Variants in KCND2 observed in about 807,000 individuals in gnomAD.
KCND2 encodes the protein potassium voltage-gated channel subfamily D member 2.
In KCND2, 16 loss-of-function variants were observed where a neutral mutation model predicts 54.4. The observed-to-expected ratio is 0.29, with a 90% CI of 0.20 to 0.45. The LOEUF (loss-of-function observed/expected upper bound fraction) is 0.45, where lower values mean the gene tolerates loss of function less well. Among genes scored for constraint, KCND2 ranks in the 20% least tolerant of loss-of-function variants. The pLI is 1.00. For synonymous variants in KCND2, 317 were observed against 310.7 expected (o/e 1.02, Z -0.21); for missense variants, 486 against 824.2 (o/e 0.59, Z 5.02).
At chr7:120,603,194 G>A (rs1383752270) in intron 1 of KCND2, among the ~76,000 whole-genome samples, 1 of 152,168 alleles carries the variant, frequency 6.6e-6, no homozygotes, top group Non-Finnish European at 1.5e-5. Flanking sequence ...GTAGAACATA[G>A]TTTGCTATTT....
chr7:120,379,202 A>G (rs1289470541), intron 1 of KCND2, among the ~76,000 whole-genome samples: 1 of 152,064 alleles, frequency 6.6e-6, no homozygotes, highest in Non-Finnish European at 1.5e-5. Flanking sequence ...TATTATAGTT[A>G]AGGTGAGTTT....
At chr7:120,537,337 A>G (rs1029382884) in intron 1 of KCND2, among the ~76,000 whole-genome samples, 1 of 152,154 alleles carries the variant, frequency 6.6e-6, no homozygotes, top group Non-Finnish European at 1.5e-5. Flanking sequence ...GTAAACCCAT[A>G]TGCTGTCGTC....
At chr7:120,282,758 A>G (rs1015563890) in intron 1 of KCND2, among the ~76,000 whole-genome samples, 3 of 152,118 alleles carry the variant, frequency 2.0e-5, no homozygotes, top group African/African-American at 7.2e-5. Flanking sequence ...TATCAGTAAT[A>G]GTGCTCTTGG....
At chr7:120,683,846 A>T (rs1296866251) in intron 1 of KCND2, among the ~76,000 whole-genome samples, 1 of 152,172 alleles carries the variant, frequency 6.6e-6, no homozygotes, top group Admixed American at 6.6e-5. Flanking sequence ...AAGTGGAAAT[A>T]GCATTTCAGA....
At chr7:120,661,295 C>A (rs531995665) in intron 1 of KCND2, among the ~76,000 whole-genome samples, 15 of 152,196 alleles carry the variant, frequency 9.9e-5, no homozygotes, top group African/African-American at 3.6e-4. Flanking sequence ...CATCATTAGT[C>A]ATGATTATTA....
chr7:120,583,784 T>TGGGGGG (rs36108636), intron 1 of KCND2, among the ~76,000 whole-genome samples: 2 of 142,586 alleles, frequency 1.4e-5, no homozygotes, highest in African/African-American at 5.5e-5. Flanking sequence ...ATAGGAATTG[T>TGGGGGG]GGGGGGGGGG....
chr7:120,601,138 C>A (rs192365988), intron 1 of KCND2, among the ~76,000 whole-genome samples: 1 of 152,160 alleles, frequency 6.6e-6, no homozygotes, highest in African/African-American at 2.4e-5. Flanking sequence ...ACAGTGTATA[C>A]CTTCATGGAG....
At chr7:120,600,244 T>C (rs559178308) in intron 1 of KCND2, among the ~76,000 whole-genome samples, 2 of 152,104 alleles carry the variant, frequency 1.3e-5, no homozygotes, top group South Asian at 2.1e-4. Context: ...AATCCATCCC[T>C]TGTATATACT....
At chr7:120,436,844 T>G (rs1333699456) in intron 1 of KCND2, among the ~76,000 whole-genome samples, 1 of 152,206 alleles carries the variant, frequency 6.6e-6, no homozygotes, top group Non-Finnish European at 1.5e-5. Flanking sequence ...AAGGCAACTC[T>G]GTCAGCTGTC....
intron 1 of KCND2, among the ~76,000 whole-genome samples, chr7:120,622,664 T>TAC (rs138167439): frequency 0.043 from 5,737 of 134,668 alleles, 135 homozygotes; most frequent in African/African-American, 0.056. Flanking sequence ...TCCTTTTCCT[T>TAC]ACACACACAC....
At chr7:120,592,942 A>G (rs1234142498) in intron 1 of KCND2, among the ~76,000 whole-genome samples, 1 of 152,192 alleles carries the variant, frequency 6.6e-6, no homozygotes, top group Admixed American at 6.5e-5. Context: ...ATCCTGATAA[A>G]CACTCTTCAT....
At chr7:120,491,719 A>G (rs1186845593) in intron 1 of KCND2, among the ~76,000 whole-genome samples, 2 of 152,078 alleles carry the variant, frequency 1.3e-5, no homozygotes, top group African/African-American at 4.8e-5. Flanking sequence ...CAATTTCTTC[A>G]TTTTTATTTC....
At chr7:120,740,731 G>T in intron 2 of KCND2, 1 of 401,702 alleles carries the variant, frequency 2.5e-6, no homozygotes, top group East Asian at 7.8e-5. Context: ...ATTCTCTACA[G>T]ACACACACAC....
intron 1 of KCND2, among the ~76,000 whole-genome samples, chr7:120,282,235 T>G (rs1400894006): frequency 6.6e-6 from 1 of 152,150 alleles, no homozygotes; most frequent in Non-Finnish European, 1.5e-5. Context: ...TTGATGATGC[T>G]TCATCACTAG....
intron 1 of KCND2, among the ~76,000 whole-genome samples, chr7:120,631,466 A>G (rs2116515487): frequency 6.6e-6 from 1 of 152,254 alleles, no homozygotes; most frequent in African/African-American, 2.4e-5. Flanking sequence ...GATCACATTA[A>G]AAATCCAAGC....
At chr7:120,669,284 TC>T (rs1426774503) in intron 1 of KCND2, among the ~76,000 whole-genome samples, 2 of 152,104 alleles carry the variant, frequency 1.3e-5, no homozygotes, top group African/African-American at 2.4e-5. Context: ...TTTTCCCATG[TC>T]CTTCTCCAAG....
At chr7:120,290,096 G>T (rs1799411768) in intron 1 of KCND2, among the ~76,000 whole-genome samples, 1 of 152,016 alleles carries the variant, frequency 6.6e-6, no homozygotes, top group Non-Finnish European at 1.5e-5. Context: ...TCACACTTTA[G>T]TTAAAATCTC....
At chr7:120,389,815 G>A (rs1801045985) in intron 1 of KCND2, among the ~76,000 whole-genome samples, 1 of 151,868 alleles carries the variant, frequency 6.6e-6, no homozygotes, top group Non-Finnish European at 1.5e-5. Flanking sequence ...CAACTAAAGT[G>A]TATCCTGGGT....
intron 1 of KCND2, among the ~76,000 whole-genome samples, chr7:120,502,821 G>C (rs373148399): frequency 1.3e-5 from 2 of 151,898 alleles, no homozygotes; most frequent in African/African-American, 4.8e-5. Context: ...TGGTACCATT[G>C]AATCTTGTCT....
Sources: allele counts gnomAD v4.1 joint callset (sites outside exome capture counted in the v4.1 genomes callset), GRCh38; gene constraint gnomAD v4.1.1; transcripts MANE v1.5; gene names NCBI Gene and HGNC (gene_info 2026-07-23, HGNC 2026-07-21).